The following GTF2B variants were observed in gnomAD, a reference collection of about 807,000 sequenced individuals.
GTF2B encodes general transcription factor IIB.
Under a neutral mutation model 34.6 loss-of-function variants are expected in GTF2B, and 20 were observed. The observed-to-expected ratio is 0.58, with a 90% CI of 0.41 to 0.84. The LOEUF is 0.84. Among genes scored for constraint, GTF2B ranks in the 40% least tolerant of loss-of-function variants. The pLI is 0.00. For synonymous variants in GTF2B, 142 were observed against 132.4 expected, an observed-to-expected ratio of 1.07 and a Z score of -0.50; for missense variants, 237 against 393.3, an observed-to-expected ratio of 0.60 and a Z score of 3.36.
rs145231797 is a variant in GTF2B at position 88,854,229 on chromosome 1, T to G, written c.818-883A>C. On this transcript the variant is annotated intron_variant, in intron 6 of 6. Coordinates refer to ENST00000370500, the MANE Select transcript of GTF2B (RefSeq NM_001514.6). ...TAAAAACAAAATGTGATACTATAAA[T>G]ATTGTTCTACAATCTTTTTTTCTAC... Among the ~76,000 whole-genome samples the G allele has an allele frequency of 2.7e-3, 414 of 152,358 alleles. 4 individuals carry two copies. The highest frequency in any genetic ancestry group is 9.4e-3 in the African/African-American group (390 of 41,578).
At chr1:88,870,896 CTTTT>C (rs1022965980) in intron 2 of GTF2B, among the ~76,000 whole-genome samples, 42 of 109,198 alleles carry the variant, frequency 3.8e-4, no homozygotes, top group African/African-American at 1.6e-3. Context: ...CTTACACAGT[CTTTT>C]TTTTTTTTTT....
At chr1:88,856,410 G>A (rs538391086) in intron 6 of GTF2B, among the ~76,000 whole-genome samples, 3 of 147,076 alleles carry the variant, frequency 2.0e-5, no homozygotes, top group Non-Finnish European at 4.5e-5. Context: ...TTCAGAATTT[G>A]TATTAAGAAA....
At chr1:88,889,843 G>A (rs1472355683) in intron 1 of GTF2B, among the ~76,000 whole-genome samples, 3 of 152,058 alleles carry the variant, frequency 2.0e-5, no homozygotes, top group Non-Finnish European at 2.9e-5. Flanking sequence ...ATGTAACTAG[G>A]CCTTGTCTCC....
chr1:88,889,166 T>C (rs2100982842), intron 1 of GTF2B, among the ~76,000 whole-genome samples: 1 of 152,338 alleles, frequency 6.6e-6, no homozygotes, highest in South Asian at 2.1e-4. Flanking sequence ...TTATGGCTGA[T>C]CCAGGGAGAC....
chr1:88,869,940 T>C (rs1557656794), intron 2 of GTF2B, among the ~76,000 whole-genome samples: 1 of 148,618 alleles, frequency 6.7e-6, no homozygotes, highest in Non-Finnish European at 1.5e-5. Flanking sequence ...CTTTTTTTTT[T>C]TTCTTGAGAT....
intron 5 of GTF2B, among the ~76,000 whole-genome samples, chr1:88,858,477 T>C (rs538194113): frequency 6.6e-6 from 1 of 152,212 alleles, no homozygotes; most frequent in African/African-American, 2.4e-5. Context: ...CACAATGTCA[T>C]GTGTGCATGA....
chr1:88,856,293 A>AAAAAAAAAAAAAAG (rs1673312166), intron 6 of GTF2B, among the ~76,000 whole-genome samples: 3 of 149,060 alleles, frequency 2.0e-5, no homozygotes, highest in Non-Finnish European at 4.5e-5. Context: ...AAAAAAAACA[A>AAAAAAAAAAAAAAG]AAAAAAAAAA....
chr1:88,889,567 T>C (rs562892162), intron 1 of GTF2B, among the ~76,000 whole-genome samples: 1 of 152,348 alleles, frequency 6.6e-6, no homozygotes, highest in African/African-American at 2.4e-5. Flanking sequence ...TTTAAAAAAT[T>C]ATGCTCAGAG....
chr1:88,863,407 G>C (rs148267213), intron 3 of GTF2B, among the ~76,000 whole-genome samples: 1,871 of 152,112 alleles, frequency 0.012, 27 homozygotes, highest in Non-Finnish European at 0.017. Flanking sequence ...TCAGTGGCGC[G>C]ATCTTGGCTC....
chr1:88,886,155 G>C (rs1376110498), intron 2 of GTF2B, among the ~76,000 whole-genome samples: 1 of 152,200 alleles, frequency 6.6e-6, no homozygotes, highest in East Asian at 1.9e-4. Context: ...GGTTGCAAAT[G>C]ATTCTCAATT....
At chr1:88,865,840 CA>C (rs367626789) in intron 2 of GTF2B, among the ~76,000 whole-genome samples, 7 of 139,960 alleles carry the variant, frequency 5.0e-5, no homozygotes, top group East Asian at 2.0e-4. Context: ...AACTCCATCT[CA>C]AAAAAAAAAC....
At position 88,887,208 on chromosome 1, in the gene GTF2B, C is replaced by G. The variant is rs1045370714; in HGVS notation, c.124+53G>C. The G allele has an allele frequency of 4.3e-6, 5 of 1,163,744 alleles. No homozygotes were observed. The South Asian group carries it at 6.3e-5, about 15-fold the overall frequency. 72.1% of individuals were successfully genotyped at this position (1,163,744 alleles called of 1,614,324 possible). On this transcript the variant is annotated intron_variant, in intron 2 of 6. Coordinates refer to ENST00000370500, the MANE Select transcript of GTF2B (RefSeq NM_001514.6). ...TGCTGGAATTACAGGCGTGAGCCAC[C>G]ATGCTTGGCCTCCTGAACAGTAATT...
chr1:88,876,861 A>T (rs1483223072), intron 2 of GTF2B, among the ~76,000 whole-genome samples: 1 of 152,228 alleles, frequency 6.6e-6, no homozygotes, highest in East Asian at 1.9e-4. Context: ...CTATAGTTAC[A>T]CAGCTTACTA....
intron 2 of GTF2B, among the ~76,000 whole-genome samples, chr1:88,871,140 T>G (rs1197172419): frequency 6.6e-6 from 1 of 152,112 alleles, no homozygotes; most frequent in African/African-American, 2.4e-5. Context: ...GGCCTCATGT[T>G]ATCCGCAAAC....
chr1:88,889,602 CTAA>C (rs2100983136), intron 1 of GTF2B, among the ~76,000 whole-genome samples: 2 of 152,344 alleles, frequency 1.3e-5, no homozygotes, highest in East Asian at 3.9e-4. Context: ...AGTCATGGAA[CTAA>C]TAAGTGGCGG....
At chr1:88,862,308 C>T (rs565488253) in intron 3 of GTF2B, among the ~76,000 whole-genome samples, 38 of 151,918 alleles carry the variant, frequency 2.5e-4, no homozygotes, top group Non-Finnish European at 2.4e-4. Context: ...CTTGGGAGGC[C>T]GAGGTGGGTG....
chr1:88,887,216 G>A lies in GTF2B; in HGVS notation c.124+45C>T, dbSNP rs751686850. 4.8e-6 allele frequency: 6 copies of A among 1,245,764 alleles called. No individual in the cohort carries two copies. The East Asian group carries it at 9.4e-5, about 20-fold the overall frequency. 77.2% of individuals were successfully genotyped at this position (1,245,764 alleles called of 1,614,324 possible). ...TTACAGGCGTGAGCCACCATGCTTG[G>A]CCTCCTGAACAGTAATTTAAATTAA... is the stretch of plus-strand genomic sequence containing the variant. On this transcript the variant is annotated intron_variant, in intron 2 of 6. Coordinates refer to ENST00000370500, the MANE Select transcript of GTF2B (RefSeq NM_001514.6).
At chr1:88,872,377 G>T (rs1278164961) in intron 2 of GTF2B, among the ~76,000 whole-genome samples, 2 of 149,126 alleles carry the variant, frequency 1.3e-5, no homozygotes, top group Admixed American at 1.3e-4. Flanking sequence ...GCTTGAACCT[G>T]GGAGGTGCAG....
intron 2 of GTF2B, among the ~76,000 whole-genome samples, chr1:88,872,967 A>G (rs1007682378): frequency 1.3e-5 from 2 of 152,136 alleles, no homozygotes; most frequent in African/African-American, 2.4e-5. Flanking sequence ...CTAAGTCCAT[A>G]GGATCCCTGT....
Sources: allele counts gnomAD v4.1 joint callset (sites outside exome capture counted in the v4.1 genomes callset), GRCh38; gene constraint gnomAD v4.1.1; transcripts MANE v1.5; gene names NCBI Gene and HGNC (gene_info 2026-07-23, HGNC 2026-07-21).